Variants in MYO1E observed in about 807,000 individuals in gnomAD.
The protein encoded by MYO1E is unconventional myosin-Ie.
MYO1E carries 68 observed loss-of-function variants against 151.1 expected under a neutral mutation model. The observed-to-expected ratio is 0.45, with a 90% confidence interval of 0.37 to 0.55. MYO1E has a LOEUF of 0.55. Among genes scored for constraint, MYO1E ranks in the 20% least tolerant of loss-of-function variants. The pLI is 0.00. For synonymous variants in MYO1E, 601 were observed against 501.7 expected (o/e 1.20, Z -2.64); for missense variants, 1,363 against 1,389.3 (o/e 0.98, Z 0.30).
chr15:59,296,544 G>T (rs1418432772), intron 1 of MYO1E, among the ~76,000 whole-genome samples: 1 of 152,190 alleles, frequency 6.6e-6, no homozygotes, highest in Admixed American at 6.5e-5. Flanking sequence ...AGTTCCCTGG[G>T]CTTAATTGCC....
At chr15:59,363,300 T>C (rs1258343367) in intron 1 of MYO1E, among the ~76,000 whole-genome samples, 2 of 152,200 alleles carry the variant, frequency 1.3e-5, no homozygotes, top group South Asian at 2.1e-4. Context: ...TTTACTTTTA[T>C]GCTTGCTCTC....
chr15:59,140,862 A>G (rs73420808), intron 26 of MYO1E, among the ~76,000 whole-genome samples: 2,364 of 152,102 alleles, frequency 0.016, 65 homozygotes, highest in African/African-American at 0.054. Context: ...AAGGCTACTC[A>G]GGCTCCACTC....
chr15:59,308,916 A>G (rs16953416), intron 1 of MYO1E, among the ~76,000 whole-genome samples: 5,483 of 151,998 alleles, frequency 0.036, 323 homozygotes, highest in African/African-American at 0.12. Context: ...AGAGAGGCAG[A>G]ATTGCAGAAA....
chr15:59,158,519 G>A (rs2079520837), intron 24 of MYO1E, 140 bp from the exon 25 acceptor site: 1 of 712,208 alleles, frequency 1.4e-6, no homozygotes, highest in Admixed American at 2.1e-5. Context: ...TTGCAGTGGA[G>A]AAGGAGCCGT....
chr15:59,286,294 T>G (rs1424390926), intron 1 of MYO1E, among the ~76,000 whole-genome samples: 1 of 152,212 alleles, frequency 6.6e-6, no homozygotes, highest in African/African-American at 2.4e-5. Context: ...GGAGGTATGC[T>G]GACATGAGTT....
At chr15:59,167,361 G>A (rs2079568507) in intron 22 of MYO1E, among the ~76,000 whole-genome samples, 1 of 152,142 alleles carries the variant, frequency 6.6e-6, no homozygotes, top group Admixed American at 6.5e-5. Context: ...AGCCTCATCA[G>A]AGACCCCCAA....
At chr15:59,320,485 T>C (rs2080619004) in intron 1 of MYO1E, among the ~76,000 whole-genome samples, 2 of 152,130 alleles carry the variant, frequency 1.3e-5, no homozygotes, top group African/African-American at 4.8e-5. Flanking sequence ...CATTGACCAA[T>C]ATTCTGTTCT....
chr15:59,261,523 A>C lies in MYO1E; in HGVS notation c.148-14T>G. The C allele has an allele frequency of 6.6e-7, 1 of 1,505,952 alleles. No homozygotes were observed. The highest frequency in any genetic ancestry group is 9.2e-7 in the Non-Finnish European group (1 of 1,082,170). The allele number at this position is 1,505,952 out of a possible 1,614,324, so 93.3% of individuals were successfully genotyped here. The stretch of plus-strand genomic sequence containing the variant: ...TCCTATATATGTCTGAATTTAACTC[A>C]GTTAAGGTCCATCATTAATATTCAT... On this transcript the variant is annotated splice_polypyrimidine_tract_variant and intron_variant, in intron 2 of 27. Transcript: ENST00000288235.
At chr15:59,258,871 AAAG>A (rs532422002) in intron 3 of MYO1E, among the ~76,000 whole-genome samples, 7 of 152,022 alleles carry the variant, frequency 4.6e-5, no homozygotes, top group Admixed American at 6.6e-5. Context: ...GAAAAAAAAA[AAAG>A]AAGAAAACAT....
chr15:59,351,938 T>C (rs1187861278), intron 1 of MYO1E, among the ~76,000 whole-genome samples: 1 of 152,234 alleles, frequency 6.6e-6, no homozygotes, highest in Non-Finnish European at 1.5e-5. Flanking sequence ...ATGCTATTGA[T>C]CGTCCCCATT....
chr15:59,297,815 C>T (rs1358866105), intron 1 of MYO1E, among the ~76,000 whole-genome samples: 5 of 152,046 alleles, frequency 3.3e-5, no homozygotes, highest in Non-Finnish European at 7.4e-5. Flanking sequence ...CTCCTAAGCT[C>T]GAGTGATCCT....
chr15:59,163,509 T>C (rs1440386977), intron 22 of MYO1E, among the ~76,000 whole-genome samples: 5 of 152,206 alleles, frequency 3.3e-5, no homozygotes, highest in Admixed American at 1.3e-4. Flanking sequence ...AGAAGGTTTA[T>C]AGTCCAACAA....
chr15:59,275,893 C>G (rs1431063243), intron 1 of MYO1E, among the ~76,000 whole-genome samples: 1 of 152,166 alleles, frequency 6.6e-6, no homozygotes, highest in Non-Finnish European at 1.5e-5. Flanking sequence ...GGGTAGGGGA[C>G]AACAGAATTT....
intron 1 of MYO1E, among the ~76,000 whole-genome samples, chr15:59,366,188 A>T (rs2080911888): frequency 6.6e-6 from 1 of 152,106 alleles, no homozygotes; most frequent in African/African-American, 2.4e-5. Flanking sequence ...CAGGTTGGCC[A>T]AGCTGGTCTC....
intron 1 of MYO1E, among the ~76,000 whole-genome samples, chr15:59,367,294 T>C (rs1053201398): frequency 6.6e-6 from 1 of 152,164 alleles, no homozygotes. Flanking sequence ...TATTCTAAGT[T>C]ATCAGAATGC....
chr15:59,157,934 G>C (rs1438199412), intron 25 of MYO1E, among the ~76,000 whole-genome samples: 2 of 152,210 alleles, frequency 1.3e-5, no homozygotes, highest in Non-Finnish European at 2.9e-5. Flanking sequence ...GGTTAGACCT[G>C]TAAACTCCTA....
At chr15:59,322,512 C>T (rs1263258690) in intron 1 of MYO1E, among the ~76,000 whole-genome samples, 1 of 152,134 alleles carries the variant, frequency 6.6e-6, no homozygotes, top group Non-Finnish European at 1.5e-5. Flanking sequence ...TGTGGTTAAA[C>T]AATCCAGATC....
At chr15:59,252,293 C>T (rs1368326083) in intron 4 of MYO1E, among the ~76,000 whole-genome samples, 1 of 152,120 alleles carries the variant, frequency 6.6e-6, no homozygotes, top group East Asian at 1.9e-4. Context: ...TAAAATGAAC[C>T]AAGGCCTAGC....
chr15:59,180,540 T>TTC (rs1282503722), intron 18 of MYO1E, among the ~76,000 whole-genome samples: 10 of 151,804 alleles, frequency 6.6e-5, no homozygotes, highest in African/African-American at 2.4e-4. Context: ...AATGCTGCGT[T>TTC]TCTCTTTTTT....
Sources: gnomAD v4.1 joint callset for allele counts (sites outside exome capture counted in the v4.1 genomes callset) on GRCh38, gnomAD v4.1.1 for gene constraint, MANE v1.5 for transcripts, NCBI Gene and HGNC (gene_info 2026-07-23, HGNC 2026-07-21) for gene names.